SLC10A2: variants seen among roughly 807,000 people sequenced by gnomAD.
SLC10A2 encodes the protein ileal sodium/bile acid cotransporter.
SLC10A2 carries 34 observed loss-of-function variants against 27.1 expected under a neutral mutation model. The observed-to-expected ratio is 1.26, with a 90% confidence interval of 0.96 to 1.67. The LOEUF (loss-of-function observed/expected upper bound fraction) is 1.67, where lower values mean the gene tolerates loss of function less well. SLC10A2 is among the 40% of genes most tolerant of loss of function. SLC10A2 has a pLI of 0.00. For synonymous variants in SLC10A2, 205 were observed against 174.0 expected (o/e 1.18, Z -1.40); for missense variants, 530 against 444.4 (o/e 1.19, Z -1.73).
intron 2 of SLC10A2, among the ~76,000 whole-genome samples, chr13:103,054,336 T>C (rs1875879356): frequency 6.6e-6 from 1 of 152,196 alleles, no homozygotes; most frequent in Non-Finnish European, 1.5e-5. Context: ...CAACTAAACT[T>C]CTTTTCTTTA....
At chr13:103,051,484 C>A (rs768313100) in intron 3 of SLC10A2, 52 bp from the exon 4 acceptor site, 19 of 1,590,070 alleles carry the variant, frequency 1.2e-5, no homozygotes, top group Non-Finnish European at 1.6e-5. Context: ...AAAGCAAATC[C>A]AAGTATGTTT....
intron 2 of SLC10A2, among the ~76,000 whole-genome samples, chr13:103,055,598 G>A (rs989209976): frequency 6.6e-6 from 1 of 152,160 alleles, no homozygotes; most frequent in African/African-American, 2.4e-5. Flanking sequence ...AGGTGAGCTT[G>A]GAGGCCTGGG....
At chr13:103,055,912 G>T (rs1172451019) in intron 2 of SLC10A2, among the ~76,000 whole-genome samples, 1 of 152,138 alleles carries the variant, frequency 6.6e-6, no homozygotes, top group East Asian at 1.9e-4. Flanking sequence ...TCCTTATTTG[G>T]AAATATTATT....
chr13:103,049,441 C>A lies in SLC10A2; in HGVS notation c.767G>T (p.Arg256Leu). 1 of 1,613,706 alleles carries A rather than the reference C, an allele frequency of 6.2e-7. No homozygotes were observed. Among genetic ancestry groups the A allele is most frequent in the South Asian group, 1.1e-5 (1 of 91,024 alleles). Residue 256 changes from arginine (R) to leucine (L), a missense_variant, in exon 5 of 6, where the codon CGA (arginine) becomes CTA (leucine). By Grantham distance (102) the Arg-to-Leu change is moderately radical. Coordinates refer to ENST00000245312, the MANE Select transcript of SLC10A2 (RefSeq NM_000452.3). The stretch of plus-strand genomic sequence containing the variant: ...CATCCCCGTTTCAAAAGCAACCGTT[C>A]GGCACCTAAAGAAGATGTTAAGAGA... ...RIAGLPWYRC[R>L]TVAFETGMQN...
chr13:103,049,309 A>G lies in SLC10A2; in HGVS notation c.899T>C (p.Phe300Ser). Residue 300 changes from phenylalanine to serine, a missense_variant, in exon 5 of 6, where the codon TTT becomes TCT. Phe to Ser is a radical substitution (Grantham distance 155, BLOSUM62 -2). Coordinates refer to ENST00000245312, the MANE Select transcript of SLC10A2 (RefSeq NM_000452.3). The part of the protein sequence containing the change: ...PLIYSIFQLA[F>S]AAIFLGFYVA... ...CTTACATCCTAAGAATATTGCGGCAAAGGCGAGCTGGAAAATGCTGTAGAT... is the reference window on the plus strand; with the variant it reads ...CTTACATCCTAAGAATATTGCGGCAGAGGCGAGCTGGAAAATGCTGTAGAT... The G allele has an allele frequency of 6.2e-7, 1 of 1,613,930 alleles. No individual in the cohort carries two copies. Among genetic ancestry groups the G allele is most frequent in the Non-Finnish European group, 8.5e-7 (1 of 1,179,836 alleles).
Position 103,052,615 on chromosome 13 carries a change from CT to C in SLC10A2, c.585+4del, listed in dbSNP as rs752127220. 2 of 1,581,540 alleles carry C rather than the reference CT, an allele frequency of 1.3e-6. No individual in the cohort carries two copies. Among genetic ancestry groups the C allele is most frequent in the Non-Finnish European group, 1.7e-6 (2 of 1,150,534 alleles). On this transcript the variant is annotated splice_donor_region_variant and intron_variant, in intron 3 of 5. Transcript: ENST00000245312. Reference sequence around the variant, plus strand: ...ATATTTAATGGTGTGAACTGGGATACTTACTTTAAGTATGATCTTTGCTTTT... The same window carrying C: ...ATATTTAATGGTGTGAACTGGGATACTACTTTAAGTATGATCTTTGCTTTT...
intron 5 of SLC10A2, among the ~76,000 whole-genome samples, chr13:103,047,162 A>T (rs895189843): frequency 1.3e-5 from 2 of 152,222 alleles, no homozygotes; most frequent in Non-Finnish European, 2.9e-5. Context: ...ACATTAAATG[A>T]GATAAAATTA....
At chr13:103,048,242 T>C (rs973876860) in intron 5 of SLC10A2, among the ~76,000 whole-genome samples, 12 of 151,862 alleles carry the variant, frequency 7.9e-5, no homozygotes, top group African/African-American at 1.9e-4. Flanking sequence ...AAAAACAAAA[T>C]TAGCCTGTCA....
At chr13:103,051,033 C>T (rs1209111434) in intron 4 of SLC10A2, among the ~76,000 whole-genome samples, 1 of 152,084 alleles carries the variant, frequency 6.6e-6, no homozygotes, top group Non-Finnish European at 1.5e-5. Context: ...TGGATGTCTG[C>T]AAGCCACGAG....
chr13:103,065,344 G>T (rs1276612916), intron 1 of SLC10A2, among the ~76,000 whole-genome samples: 1 of 152,170 alleles, frequency 6.6e-6, no homozygotes, highest in Non-Finnish European at 1.5e-5. Context: ...GCCAGTAGAG[G>T]TGAAGCAAAT....
chr13:103,055,041 G>T lies in SLC10A2; in HGVS notation c.497-2333C>A, dbSNP rs558051365. Among the ~76,000 whole-genome samples the T allele has an allele frequency of 2.6e-5, 4 of 152,260 alleles. No individual in the cohort carries two copies. The South Asian group carries it at 8.3e-4, about 32-fold the overall frequency. On this transcript the variant is annotated intron_variant, in intron 2 of 5. Coordinates refer to ENST00000245312, the MANE Select transcript of SLC10A2 (RefSeq NM_000452.3). Reference sequence around the variant, plus strand: ...AAGAAGAATGAGAATGAAAGAGAGTGGTGGTGAATGGATTCATGTGGTGGG... The same window carrying T: ...AAGAAGAATGAGAATGAAAGAGAGTTGTGGTGAATGGATTCATGTGGTGGG...
chr13:103,051,520 C>A, intron 3 of SLC10A2, 88 bp from the exon 4 acceptor site: 2 of 1,392,378 alleles, frequency 1.4e-6, no homozygotes, highest in Non-Finnish European at 2.0e-6. Context: ...TCAGCAGTCT[C>A]CTTGTCCCTG....
At chr13:103,046,878 T>G (rs1875626435) in intron 5 of SLC10A2, among the ~76,000 whole-genome samples, 1 of 152,314 alleles carries the variant, frequency 6.6e-6, no homozygotes, top group South Asian at 2.1e-4. Flanking sequence ...TATGCATGTG[T>G]GAGTACATGT....
At chr13:103,048,263 C>A (rs1453160451) in intron 5 of SLC10A2, among the ~76,000 whole-genome samples, 1 of 151,802 alleles carries the variant, frequency 6.6e-6, no homozygotes, top group Non-Finnish European at 1.5e-5. Flanking sequence ...TGGTGGCGGG[C>A]ACCTGTAGTC....
intron 1 of SLC10A2, among the ~76,000 whole-genome samples, chr13:103,059,776 G>T (rs575158423): frequency 6.6e-6 from 1 of 152,186 alleles, no homozygotes; most frequent in African/African-American, 2.4e-5. Context: ...GCCTCCCTGG[G>T]CCCCTGGAAT....
At chr13:103,063,638 A>G (rs1332856000) in intron 1 of SLC10A2, among the ~76,000 whole-genome samples, 1 of 152,242 alleles carries the variant, frequency 6.6e-6, no homozygotes. Flanking sequence ...AAATATTGGA[A>G]TATTGTTTTC....
intron 2 of SLC10A2, among the ~76,000 whole-genome samples, chr13:103,054,677 C>T (rs1875890836): frequency 6.6e-6 from 1 of 152,132 alleles, no homozygotes; most frequent in Non-Finnish European, 1.5e-5. Flanking sequence ...AAATCCATGG[C>T]AGAATTGCTT....
At chr13:103,064,800 A>G (rs1285932019) in intron 1 of SLC10A2, among the ~76,000 whole-genome samples, 1 of 152,072 alleles carries the variant, frequency 6.6e-6, no homozygotes, top group Non-Finnish European at 1.5e-5. Context: ...TATGTGAAAG[A>G]CTAAACCATA....
chr13:103,046,053 G>C lies in SLC10A2; in HGVS notation c.*80C>G. 1 of 1,540,556 alleles carries C rather than the reference G, an allele frequency of 6.5e-7. No individual in the cohort carries two copies. The highest frequency in any genetic ancestry group is 9.0e-7 in the Non-Finnish European group (1 of 1,116,218). On this transcript the variant is annotated 3_prime_UTR_variant, in exon 6 of 6. Coordinates refer to ENST00000245312, the MANE Select transcript of SLC10A2 (RefSeq NM_000452.3). The stretch of plus-strand genomic sequence containing the variant: ...TCACTTTAACTCTTTTCTGCCAACT[G>C]TCCTACCAAAACAAATAATTAAATA...
Sources: allele counts gnomAD v4.1 joint callset (sites outside exome capture counted in the v4.1 genomes callset), GRCh38; gene constraint gnomAD v4.1.1; transcripts MANE v1.5; gene names NCBI Gene and HGNC (gene_info 2026-07-23, HGNC 2026-07-21).